SLC24A4: variants seen among roughly 807,000 people sequenced by gnomAD.
The protein encoded by SLC24A4 is solute carrier family 24 member 4.
Under a neutral mutation model 79.0 loss-of-function variants are expected in SLC24A4, and 53 were observed. That is an observed-to-expected ratio of 0.67 (90% CI 0.54 to 0.84). The LOEUF is 0.84. Among genes scored for constraint, SLC24A4 ranks in the 40% least tolerant of loss-of-function variants. The pLI, the probability that SLC24A4 is intolerant of heterozygous loss-of-function variation, is 0.00. For missense variants in SLC24A4, 731 were observed against 822.0 expected, an observed-to-expected ratio of 0.89 and a Z score of 1.35; for synonymous variants, 323 against 323.8, an observed-to-expected ratio of 1.00 and a Z score of 0.03.
At chr14:92,372,281 C>G (rs565583049) in intron 2 of SLC24A4, among the ~76,000 whole-genome samples, 159 of 152,304 alleles carry the variant, frequency 1.0e-3, no homozygotes, top group African/African-American at 3.5e-3. Context: ...CAGACAGACT[C>G]ATCTTCCACG....
Position 92,492,176 on chromosome 14 carries a change from T to C in SLC24A4, c.1652T>C (p.Val551Ala). 1 of 1,613,950 alleles carries C rather than the reference T, an allele frequency of 6.2e-7. No individual in the cohort carries two copies. Among genetic ancestry groups the C allele is most frequent in the Non-Finnish European group, 8.5e-7 (1 of 1,179,906 alleles). ...QTMVVNYGSTVKINSRGLVYS... is the reference protein window; with the variant it reads ...QTMVVNYGSTAKINSRGLVYS... ...GGGCACGTGTGTTTGATTTTCCAGG[T>C]GAAGATCAACAGCCGGGGGCTGGTC... The change falls in exon 16 of 17, where the codon GTG becomes GCG. Residue 551 changes from valine (V) to alanine (A), a missense_variant and splice_region_variant. Transcript: ENST00000532405.
chr14:92,425,068 A>G (rs61977278), intron 2 of SLC24A4, among the ~76,000 whole-genome samples: 63,507 of 151,904 alleles, frequency 0.42, 13,501 homozygotes, highest in Non-Finnish European at 0.44. Flanking sequence ...ACAAACATCA[A>G]ACTATAGCAA....
At chr14:92,392,807 G>A (rs935500866) in intron 2 of SLC24A4, among the ~76,000 whole-genome samples, 6 of 146,026 alleles carry the variant, frequency 4.1e-5, no homozygotes, top group African/African-American at 1.5e-4. Flanking sequence ...TCACATGGGA[G>A]GCGCCATCTG....
chr14:92,412,618 C>G (rs1890781970), intron 2 of SLC24A4, among the ~76,000 whole-genome samples: 5 of 152,148 alleles, frequency 3.3e-5, no homozygotes, highest in South Asian at 2.1e-4. Context: ...CCTCATCCCC[C>G]TCGCTGGAGA....
At chr14:92,397,098 A>G (rs747367870) in intron 2 of SLC24A4, among the ~76,000 whole-genome samples, 4 of 152,230 alleles carry the variant, frequency 2.6e-5, no homozygotes, top group Non-Finnish European at 5.9e-5. Context: ...ATAAAGAAGC[A>G]TTGTGTAGAA....
At chr14:92,423,230 C>T (rs186070874) in intron 2 of SLC24A4, among the ~76,000 whole-genome samples, 4 of 152,142 alleles carry the variant, frequency 2.6e-5, no homozygotes, top group Admixed American at 2.0e-4. Context: ...CTGCAATCTC[C>T]GCCTCCCGGG....
intron 2 of SLC24A4, among the ~76,000 whole-genome samples, chr14:92,420,170 C>T (rs752474508): frequency 1.3e-5 from 2 of 152,104 alleles, no homozygotes; most frequent in African/African-American, 4.8e-5. Flanking sequence ...GAATTTCCAG[C>T]CTACAGAACT....
chr14:92,484,688 G>A, intron 13 of SLC24A4: 1 of 985,356 alleles, frequency 1.0e-6, no homozygotes, highest in African/African-American at 1.7e-5. Context: ...GGGACATGGG[G>A]ACACTTGAAC....
intron 2 of SLC24A4, among the ~76,000 whole-genome samples, chr14:92,354,691 G>A (rs1245380069): frequency 2.0e-5 from 3 of 152,190 alleles, no homozygotes; most frequent in Admixed American, 6.5e-5. Context: ...CTGGGGTGGG[G>A]CCTGAGATTC....
intron 2 of SLC24A4, among the ~76,000 whole-genome samples, chr14:92,390,322 G>A (rs746720316): frequency 6.6e-6 from 1 of 151,914 alleles, no homozygotes; most frequent in Non-Finnish European, 1.5e-5. Context: ...CAAGCAGAGG[G>A]CACAGCTACT....
intron 2 of SLC24A4, among the ~76,000 whole-genome samples, chr14:92,361,478 G>A (rs1199179846): frequency 6.6e-6 from 1 of 150,392 alleles, no homozygotes; most frequent in East Asian, 1.9e-4. Context: ...TGAAAATAAA[G>A]CAACTGAAGT....
intron 2 of SLC24A4, among the ~76,000 whole-genome samples, chr14:92,377,431 A>G (rs1888578346): frequency 6.6e-6 from 1 of 152,178 alleles, no homozygotes; most frequent in Non-Finnish European, 1.5e-5. Context: ...CTGGAGGGAG[A>G]GCTGTTTGCC....
chr14:92,453,840 C>CCAG (rs1489704365), intron 10 of SLC24A4, 60 bp from the exon 11 acceptor site: 42 of 1,505,188 alleles, frequency 2.8e-5, no homozygotes, highest in Non-Finnish European at 3.5e-5. Flanking sequence ...GTCAGTGGCC[C>CCAG]CAGCACTTGG....
At chr14:92,487,775 C>T (rs1025779382) in intron 14 of SLC24A4, among the ~76,000 whole-genome samples, 2 of 152,136 alleles carry the variant, frequency 1.3e-5, no homozygotes, top group African/African-American at 4.8e-5. Context: ...GCTCTGGCAG[C>T]TAAAAGTCTG....
chr14:92,467,042 C>T (rs1435849495), intron 12 of SLC24A4, among the ~76,000 whole-genome samples: 1 of 152,190 alleles, frequency 6.6e-6, no homozygotes, highest in African/African-American at 2.4e-5. Context: ...GATGGTACTC[C>T]AACATCCACC....
At chr14:92,422,146 G>A (rs1339269117) in intron 2 of SLC24A4, among the ~76,000 whole-genome samples, 1 of 152,204 alleles carries the variant, frequency 6.6e-6, no homozygotes, top group Non-Finnish European at 1.5e-5. Context: ...TGCCTGTCTT[G>A]TTCACAGATG....
chr14:92,384,843 C>A (rs927072121), intron 2 of SLC24A4, among the ~76,000 whole-genome samples: 2 of 152,154 alleles, frequency 1.3e-5, no homozygotes, highest in African/African-American at 4.8e-5. Context: ...CACTGCTAAG[C>A]AGAGCATAAG....
At chr14:92,368,001 G>T (rs377203584) in intron 2 of SLC24A4, among the ~76,000 whole-genome samples, 1 of 152,206 alleles carries the variant, frequency 6.6e-6, no homozygotes, top group Non-Finnish European at 1.5e-5. Flanking sequence ...TGTGTCAAAG[G>T]CTTATTTAAC....
intron 2 of SLC24A4, among the ~76,000 whole-genome samples, chr14:92,379,211 G>T (rs891603651): frequency 6.6e-6 from 1 of 152,220 alleles, no homozygotes; most frequent in Non-Finnish European, 1.5e-5. Flanking sequence ...AGAGGTGGGG[G>T]ATGACCTGGA....
Sources: allele counts gnomAD v4.1 joint callset (sites outside exome capture counted in the v4.1 genomes callset), GRCh38; gene constraint gnomAD v4.1.1; transcripts MANE v1.5; gene names NCBI Gene and HGNC (gene_info 2026-07-23, HGNC 2026-07-21).